RIMS2: variants seen among roughly 807,000 people sequenced by gnomAD.
The protein encoded by RIMS2 is regulating synaptic membrane exocytosis 2.
A neutral mutation model predicts 174.4 loss-of-function variants in RIMS2; 59 were observed. The observed-to-expected ratio is 0.34, with a 90% CI of 0.27 to 0.42. RIMS2 has a LOEUF of 0.42. RIMS2 is among the 10% of genes least tolerant of loss of function. The probability of loss-of-function intolerance (pLI) is 1.00; values close to 1 mark genes in which losing one functional copy is unlikely to be tolerated. For synonymous variants in RIMS2, 606 were observed against 572.5 expected (o/e 1.06, Z -0.84); for missense variants, 1,620 against 1,666.3 (o/e 0.97, Z 0.48).
intron 19 of RIMS2, among the ~76,000 whole-genome samples, chr8:104,211,044 C>T (rs1049283471): frequency 3.3e-5 from 5 of 152,100 alleles, no homozygotes; most frequent in African/African-American, 1.2e-4. Flanking sequence ...TAAAATCATT[C>T]CAAACTAGAG....
At chr8:103,519,733 CTTT>C (rs56922734) in intron 1 of RIMS2, among the ~76,000 whole-genome samples, 22,677 of 131,190 alleles carry the variant, frequency 0.17, 1,922 homozygotes, top group African/African-American at 0.22. Flanking sequence ...GGCTTTACTA[CTTT>C]TTTTTTTTTT....
At position 103,735,285 on chromosome 8, in the gene RIMS2, A is replaced by G. The variant is rs142522826; in HGVS notation, c.388-30942A>G. Among the ~76,000 whole-genome samples, 642 of 152,266 alleles carry G rather than the reference A, an allele frequency of 4.2e-3. 4 individuals are homozygous for G. The highest frequency in any genetic ancestry group is 0.015 in the African/African-American group (609 of 41,566). On this transcript the variant is annotated intron_variant, in intron 2 of 23. Transcript: ENST00000504942. ...TTGTAGTTGAATCTGGCTGATTTTC[A>G]TTGTTAAAGTGGGAGTGATGTTTTC...
chr8:104,182,947 C>T (rs1563601641), intron 19 of RIMS2, among the ~76,000 whole-genome samples: 1 of 151,672 alleles, frequency 6.6e-6, no homozygotes, highest in Non-Finnish European at 1.5e-5. Flanking sequence ...GGAACAGCTG[C>T]AGCTATTCCA....
At chr8:103,807,398 T>C (rs769466766) in intron 3 of RIMS2, among the ~76,000 whole-genome samples, 1 of 152,262 alleles carries the variant, frequency 6.6e-6, no homozygotes, top group Middle Eastern at 3.4e-3. Context: ...ACAATCTCAA[T>C]AGAACATTAG....
chr8:104,148,372 C>G (rs1324214409), intron 19 of RIMS2, among the ~76,000 whole-genome samples: 4 of 151,980 alleles, frequency 2.6e-5, no homozygotes, highest in Admixed American at 6.6e-5. Flanking sequence ...AAATTTGCAC[C>G]TTGTCTTTGA....
intron 1 of RIMS2, among the ~76,000 whole-genome samples, chr8:103,529,066 G>A (rs151264312): frequency 0.011 from 1,645 of 152,154 alleles, 29 homozygotes; most frequent in African/African-American, 0.037. Flanking sequence ...CTTTTATTTC[G>A]TTGAGCAGTG....
At chr8:103,586,959 G>A (rs951978149) in intron 1 of RIMS2, among the ~76,000 whole-genome samples, 2 of 151,996 alleles carry the variant, frequency 1.3e-5, no homozygotes, top group Admixed American at 6.6e-5. Context: ...ATGAGCTACT[G>A]TATGCTATCA....
chr8:104,158,208 C>T (rs2098736976), intron 19 of RIMS2, among the ~76,000 whole-genome samples: 1 of 152,152 alleles, frequency 6.6e-6, no homozygotes, highest in East Asian at 1.9e-4. Context: ...TCATCCATGT[C>T]CCTGCGAAGG....
chr8:103,664,757 C>T (rs9771813), intron 1 of RIMS2, among the ~76,000 whole-genome samples: 26,747 of 152,004 alleles, frequency 0.18, 2,556 homozygotes, highest in African/African-American at 0.23. Context: ...GCCATTTGAC[C>T]CAGAAATCCT....
intron 19 of RIMS2, among the ~76,000 whole-genome samples, chr8:104,022,936 T>G (rs1442196216): frequency 1.3e-5 from 2 of 152,222 alleles, no homozygotes; most frequent in African/African-American, 4.8e-5. Flanking sequence ...CTGTACATAT[T>G]TCACATACGC....
chr8:104,199,528 T>C (rs912354081), intron 19 of RIMS2, among the ~76,000 whole-genome samples: 1 of 152,218 alleles, frequency 6.6e-6, no homozygotes, highest in Non-Finnish European at 1.5e-5. Context: ...TGTCTTTAAC[T>C]GAAATCGTCA....
intron 19 of RIMS2, among the ~76,000 whole-genome samples, chr8:104,125,893 A>G (rs1177318564): frequency 6.6e-6 from 1 of 152,212 alleles, no homozygotes; most frequent in Non-Finnish European, 1.5e-5. Context: ...TAGTTGATGA[A>G]TAAATGAATA....
chr8:104,238,618 T>C (rs762335889), intron 19 of RIMS2, among the ~76,000 whole-genome samples: 1 of 152,128 alleles, frequency 6.6e-6, no homozygotes, highest in Non-Finnish European at 1.5e-5. Context: ...TTACAATTAT[T>C]GATTCTTAAA....
At chr8:103,748,257 C>T (rs2097845462) in intron 2 of RIMS2, among the ~76,000 whole-genome samples, 1 of 151,750 alleles carries the variant, frequency 6.6e-6, no homozygotes, top group Non-Finnish European at 1.5e-5. Context: ...GACTGGGAAA[C>T]ATGGTGAAAC....
chr8:103,981,294 T>C (rs1195896934), intron 16 of RIMS2, among the ~76,000 whole-genome samples: 2 of 152,212 alleles, frequency 1.3e-5, no homozygotes, highest in Non-Finnish European at 2.9e-5. Flanking sequence ...GAGTCTCTGG[T>C]GATCCAGAGA....
intron 3 of RIMS2, among the ~76,000 whole-genome samples, chr8:103,814,239 G>A (rs1338360939): frequency 2.0e-5 from 3 of 152,046 alleles, no homozygotes; most frequent in East Asian, 1.9e-4. Flanking sequence ...AGACACTGTG[G>A]CCCATTGGAG....
chr8:103,799,875 T>G (rs563380750), intron 3 of RIMS2, among the ~76,000 whole-genome samples: 17 of 152,196 alleles, frequency 1.1e-4, no homozygotes, highest in African/African-American at 4.1e-4. Context: ...AAATTTATAG[T>G]TTGTGCTCTT....
chr8:104,080,698 C>T (rs2097400448), intron 19 of RIMS2, among the ~76,000 whole-genome samples: 1 of 151,978 alleles, frequency 6.6e-6, no homozygotes, highest in South Asian at 2.1e-4. Flanking sequence ...AATATATCTA[C>T]AATTTTGTTA....
At chr8:103,843,930 C>A (rs1311052166) in intron 3 of RIMS2, among the ~76,000 whole-genome samples, 2 of 152,104 alleles carry the variant, frequency 1.3e-5, no homozygotes, top group African/African-American at 4.8e-5. Context: ...GTGGGAGGGA[C>A]CCAGTAGGAG....
Sources: gnomAD v4.1 joint callset for allele counts (sites outside exome capture counted in the v4.1 genomes callset) on GRCh38, gnomAD v4.1.1 for gene constraint, MANE v1.5 for transcripts, NCBI Gene and HGNC (gene_info 2026-07-23, HGNC 2026-07-21) for gene names.